The following CNTNAP2 variants were observed in gnomAD, a reference collection of about 807,000 sequenced individuals.
CNTNAP2 encodes contactin-associated protein-like 2.
A neutral mutation model predicts 155.2 loss-of-function variants in CNTNAP2; 98 were observed. The ratio of observed to expected loss-of-function variants is 0.63; its 90% CI spans 0.54 to 0.75. CNTNAP2 has a LOEUF of 0.75. Ranked by LOEUF, CNTNAP2 falls within the 30% of genes least tolerant of loss-of-function variation. CNTNAP2 has a pLI of 0.00. For synonymous variants in CNTNAP2, 651 were observed against 631.2 expected, an observed-to-expected ratio of 1.03 and a Z score of -0.47; for missense variants, 1,727 against 1,688.1, an observed-to-expected ratio of 1.02 and a Z score of -0.40.
At chr7:147,912,908 G>A (rs1245197629) in intron 14 of CNTNAP2, among the ~76,000 whole-genome samples, 3 of 152,166 alleles carry the variant, frequency 2.0e-5, no homozygotes, top group African/African-American at 7.2e-5. Flanking sequence ...TGGCCTGAAC[G>A]GGAGCATCGC....
chr7:146,714,478 T>G (rs1176163754), intron 1 of CNTNAP2, among the ~76,000 whole-genome samples: 1 of 152,214 alleles, frequency 6.6e-6, no homozygotes, highest in Non-Finnish European at 1.5e-5. Flanking sequence ...AGTGAAGCTA[T>G]TTCATATCTA....
chr7:146,873,254 C>T (rs1795351425), intron 3 of CNTNAP2, among the ~76,000 whole-genome samples: 1 of 112,778 alleles, frequency 8.9e-6, no homozygotes, highest in African/African-American at 4.0e-5. Context: ...CACACGTCTA[C>T]AAAAAGAATT....
intron 7 of CNTNAP2, among the ~76,000 whole-genome samples, 153 bp from the exon 8 acceptor site, chr7:147,132,092 A>G (rs1801386599): frequency 6.6e-6 from 1 of 152,150 alleles, no homozygotes; most frequent in African/African-American, 2.4e-5. Flanking sequence ...TGGTGCATCC[A>G]GTCACTGAAT....
chr7:147,191,082 G>C (rs1489069667), intron 8 of CNTNAP2, among the ~76,000 whole-genome samples: 1 of 152,140 alleles, frequency 6.6e-6, no homozygotes, highest in Non-Finnish European at 1.5e-5. Context: ...GCTGTAAAAT[G>C]ACTCACCATG....
intron 21 of CNTNAP2, among the ~76,000 whole-genome samples, chr7:148,343,267 A>G (rs757590468): frequency 3.9e-5 from 6 of 152,256 alleles, no homozygotes; most frequent in Non-Finnish European, 8.8e-5. Context: ...TTGTCCTCCA[A>G]TGCTCAGTGA....
chr7:147,538,518 C>T (rs763664331), intron 11 of CNTNAP2, among the ~76,000 whole-genome samples: 1 of 151,996 alleles, frequency 6.6e-6, no homozygotes, highest in Non-Finnish European at 1.5e-5. Flanking sequence ...CATGAGGTGG[C>T]ACGCATCTAT....
intron 15 of CNTNAP2, among the ~76,000 whole-genome samples, chr7:148,022,864 C>T (rs1802309387): frequency 6.6e-6 from 1 of 151,970 alleles, no homozygotes; most frequent in African/African-American, 2.4e-5. Context: ...TTTCGAAGCC[C>T]GATTATCAGA....
intron 4 of CNTNAP2, among the ~76,000 whole-genome samples, chr7:147,106,440 C>T (rs887704090): frequency 6.6e-5 from 10 of 151,940 alleles, no homozygotes; most frequent in Admixed American, 1.3e-4. Context: ...CAAAATTAAA[C>T]GATTGATTTT....
chr7:146,123,705 T>C (rs893706955), intron 1 of CNTNAP2, among the ~76,000 whole-genome samples: 16 of 151,264 alleles, frequency 1.1e-4, no homozygotes, highest in Admixed American at 2.6e-4. Context: ...ATGAAAAAAA[T>C]AATAGGCACA....
At chr7:147,802,136 C>A (rs372303578) in intron 13 of CNTNAP2, among the ~76,000 whole-genome samples, 2 of 146,592 alleles carry the variant, frequency 1.4e-5, no homozygotes. Flanking sequence ...ACCTCCCAGA[C>A]GGGGTCGCGG....
rs141758529 is a variant in CNTNAP2 at position 147,218,540 on chromosome 7, T to C, written c.1349-81601T>C. On this transcript the variant is annotated intron_variant, in intron 8 of 23. Coordinates refer to ENST00000361727, the MANE Select transcript of CNTNAP2 (RefSeq NM_014141.6). Reference sequence around the variant, plus strand: ...GTTTTCATTGCTTAATCTCCATGTATTTTAGGATCTTCCAGCTATTTTTTT... The same window carrying C: ...GTTTTCATTGCTTAATCTCCATGTACTTTAGGATCTTCCAGCTATTTTTTT... Among the ~76,000 whole-genome samples the C allele has an allele frequency of 2.4e-3, 364 of 149,868 alleles. 2 individuals carry two copies. Among genetic ancestry groups the C allele is most frequent in the African/African-American group, 8.4e-3 (342 of 40,666 alleles).
At chr7:146,741,216 T>A (rs1421023410) in intron 1 of CNTNAP2, among the ~76,000 whole-genome samples, 1 of 152,176 alleles carries the variant, frequency 6.6e-6, no homozygotes, top group Non-Finnish European at 1.5e-5. Context: ...AACGAGGCAC[T>A]GTGATCTCTC....
chr7:146,351,297 T>G (rs746029204), intron 1 of CNTNAP2, among the ~76,000 whole-genome samples: 5 of 152,092 alleles, frequency 3.3e-5, no homozygotes, highest in Non-Finnish European at 5.9e-5. Flanking sequence ...TGCAGAAGAA[T>G]TGGCTGATCA....
chr7:146,587,040 T>A (rs929944567), intron 1 of CNTNAP2, among the ~76,000 whole-genome samples: 10 of 152,164 alleles, frequency 6.6e-5, no homozygotes, highest in African/African-American at 1.7e-4. Context: ...TTTATTTTTT[T>A]TTTTTTAACA....
chr7:146,316,679 C>T (rs910587126), intron 1 of CNTNAP2, among the ~76,000 whole-genome samples: 10 of 152,020 alleles, frequency 6.6e-5, no homozygotes, highest in African/African-American at 1.4e-4. Flanking sequence ...GATACGTTTA[C>T]GCAAAGGATA....
At chr7:146,372,806 G>T (rs1462169034) in intron 1 of CNTNAP2, among the ~76,000 whole-genome samples, 1 of 152,050 alleles carries the variant, frequency 6.6e-6, no homozygotes, top group African/African-American at 2.4e-5. Flanking sequence ...GAGAGAGAAG[G>T]CACCAAAAAG....
At chr7:147,441,250 T>G (rs1797631312) in intron 10 of CNTNAP2, among the ~76,000 whole-genome samples, 1 of 152,114 alleles carries the variant, frequency 6.6e-6, no homozygotes, top group Non-Finnish European at 1.5e-5. Flanking sequence ...AGGACTCTGA[T>G]GCATTCTTCA....
chr7:146,340,005 T>C (rs1239321803), intron 1 of CNTNAP2, among the ~76,000 whole-genome samples: 1 of 151,694 alleles, frequency 6.6e-6, no homozygotes, highest in Non-Finnish European at 1.5e-5. Flanking sequence ...CCGTCTCTAC[T>C]AGAAATACAA....
At chr7:146,528,854 C>T (rs1360832229) in intron 1 of CNTNAP2, among the ~76,000 whole-genome samples, 3 of 151,834 alleles carry the variant, frequency 2.0e-5, no homozygotes, top group East Asian at 3.9e-4. Context: ...TCAGTTACAC[C>T]GAATGCTGAC....
Sources: gnomAD v4.1 joint callset for allele counts (sites outside exome capture counted in the v4.1 genomes callset) on GRCh38, gnomAD v4.1.1 for gene constraint, MANE v1.5 for transcripts, NCBI Gene and HGNC (gene_info 2026-07-23, HGNC 2026-07-21) for gene names.